The following CNPPD1 variants were observed in gnomAD, a reference collection of about 807,000 sequenced individuals.
CNPPD1 encodes protein CNPPD1.
Under a neutral mutation model 43.7 loss-of-function variants are expected in CNPPD1, and 40 were observed. The observed-to-expected ratio is 0.92, with a 90% CI of 0.71 to 1.19. The LOEUF is 1.19. Ranked by LOEUF, CNPPD1 falls within the 50% of genes most tolerant of loss-of-function variation. CNPPD1 has a pLI of 0.00. For missense variants in CNPPD1, 511 were observed against 518.5 expected, an observed-to-expected ratio of 0.99 and a Z score of 0.14; for synonymous variants, 208 against 214.3, an observed-to-expected ratio of 0.97 and a Z score of 0.26.
At chr2:219,177,644 C>G (rs569727801), upstream of CNPPD1, 4 of 152,162 alleles carry the variant, frequency 2.6e-5, 1 homozygote, top group South Asian at 8.3e-4. Context: ...AACGTGTCAA[C>G]ACGTCCACCC....
chr2:219,176,797 T>TCTTC lies in CNPPD1; in HGVS notation c.28_31dup (p.Glu11GlyfsTer41), dbSNP rs777044272. On this transcript the variant is annotated frameshift_variant, in exon 1 of 8. Transcript: ENST00000360507. LOFTEE classifies it high-confidence loss of function. Reference sequence around the variant, plus strand: ...GAAGCCGGCGAGGGAGAAGGTGCCTTCTTCGTCCAGCAGGAGCCCGGTCAG... The same window carrying TCTTC: ...GAAGCCGGCGAGGGAGAAGGTGCCTTCTTCCTTCGTCCAGCAGGAGCCCGGTCAG... 5.0e-6 allele frequency: 8 copies of TCTTC among 1,584,914 alleles called. No individual in the cohort carries two copies. The highest frequency in any genetic ancestry group is 6.0e-6 in the Non-Finnish European group (7 of 1,166,380).
chr2:219,172,411 G>T lies in CNPPD1; in HGVS notation c.*175C>A, dbSNP rs1047761066. On this transcript the variant is annotated 3_prime_UTR_variant, in exon 8 of 8. Transcript: ENST00000360507. ...TCCTGGCCAAGCAGCCAGCCACTGC[G>T]ATCTAGGAGTGAATTACCTTCAGTC... 1.4e-6 allele frequency: 1 copy of T among 708,360 alleles called. No individual in the cohort carries two copies. The highest frequency in any genetic ancestry group is 2.4e-6 in the Non-Finnish European group (1 of 414,008). 43.9% of individuals were successfully genotyped at this position (708,360 alleles called of 1,614,324 possible).
intron 1 of CNPPD1, among the ~76,000 whole-genome samples, 153 bp downstream of exon 1, chr2:219,176,607 C>G (rs1458162537): frequency 1.3e-5 from 2 of 152,190 alleles, no homozygotes; most frequent in Non-Finnish European, 2.9e-5. Context: ...CTCCGCGGCT[C>G]TCCCTCCCGG....
In CNPPD1 at chr2:219,173,467, A is replaced by G; in HGVS notation, c.573T>C (p.Cys191=). 1 of 1,613,306 alleles carries G rather than the reference A, an allele frequency of 6.2e-7. No homozygotes were observed. The highest frequency in any genetic ancestry group is 1.1e-5 in the South Asian group (1 of 91,038). ...GCCACCGTCCCTGCTGCTCAGCCAC[A>G]CTGGGGGAAGTGGAGAAATGACAAG... ...IFEVLSWLES[C]VAEQQGRWRG... The change falls in exon 7 of 8, where the codon TGT becomes TGC. Residue 191 remains cysteine, a splice_region_variant and synonymous_variant. Coordinates refer to ENST00000360507, the MANE Select transcript of CNPPD1 (RefSeq NM_015680.6).
chr2:219,172,479 G>A lies in CNPPD1; in HGVS notation c.*107C>T. The A allele has an allele frequency of 8.3e-7, 1 of 1,203,250 alleles. No individual in the cohort carries two copies. The highest frequency in any genetic ancestry group is 1.2e-6 in the Non-Finnish European group (1 of 825,890). The allele number at this position is 1,203,250 out of a possible 1,614,324, so 74.5% of individuals were successfully genotyped here. On this transcript the variant is annotated 3_prime_UTR_variant, in exon 8 of 8. Transcript: ENST00000360507. ...CATAAGCTCCCACCCAGGAGGACAG[G>A]GGACCTGCCAAGGACCCAGCGAGGC...
At position 219,172,481 on chromosome 2, in the gene CNPPD1, G is replaced by C; in HGVS notation, c.*105C>G. ...TAAGCTCCCACCCAGGAGGACAGGGGACCTGCCAAGGACCCAGCGAGGCAG... is the reference window on the plus strand; with the variant it reads ...TAAGCTCCCACCCAGGAGGACAGGGCACCTGCCAAGGACCCAGCGAGGCAG... On this transcript the variant is annotated 3_prime_UTR_variant, in exon 8 of 8. Coordinates refer to ENST00000360507, the MANE Select transcript of CNPPD1 (RefSeq NM_015680.6). 1 of 1,216,850 alleles carries C rather than the reference G, an allele frequency of 8.2e-7. No individual in the cohort carries two copies. Among genetic ancestry groups the C allele is most frequent in the South Asian group, 1.3e-5 (1 of 78,124 alleles). The allele number at this position is 1,216,850 out of a possible 1,614,324, so 75.4% of individuals were successfully genotyped here.
intron 6 of CNPPD1, 109 bp from the exon 7 acceptor site, chr2:219,173,576 C>A: frequency 1.2e-6 from 1 of 812,562 alleles, no homozygotes; most frequent in Non-Finnish European, 2.0e-6. Context: ...GCCTGTTAAA[C>A]CCAGATTCCT....
At chr2:219,176,443 G>C (rs757649568) in intron 1 of CNPPD1, 112 bp from the exon 2 acceptor site, 1 of 817,708 alleles carries the variant, frequency 1.2e-6, no homozygotes, top group Non-Finnish European at 2.0e-6. Flanking sequence ...CTGCTAGGGG[G>C]CCCGTGCCTT....
rs1167129515 is a variant in CNPPD1 at position 219,172,760 on chromosome 2, G to T, written c.1059C>A (p.Leu353=). 8.1e-6 allele frequency: 13 copies of T among 1,610,614 alleles called. No individual in the cohort carries two copies. Among genetic ancestry groups the T allele is most frequent in the Non-Finnish European group, 1.0e-5 (12 of 1,178,198 alleles). The change falls in exon 8 of 8, where the codon CTC becomes CTA. Residue 353 remains leucine (L), a synonymous_variant. Coordinates refer to ENST00000360507, the MANE Select transcript of CNPPD1 (RefSeq NM_015680.6). ...QRDSPTCHAC[L]HPNRTVPTAL... is the part of the protein sequence containing the mutation. ...CAGTGGGGACTGTACGGTTGGGGTG[G>T]AGGCAGGCATGGCAGGTTGGGGAGT...
In CNPPD1 at chr2:219,172,354, C is replaced by T. The variant is rs1465794148; in HGVS notation, c.*232G>A. ...TCCATCTGGGACATGTCCCTGGTCA[C>T]CAAGCGGAAGCTCTCCCTGGCGGCA... On this transcript the variant is annotated 3_prime_UTR_variant, in exon 8 of 8. Transcript: ENST00000360507. The T allele has an allele frequency of 8.6e-6, 5 of 579,666 alleles. No homozygotes were observed. Among genetic ancestry groups the T allele is most frequent in the Non-Finnish European group, 1.5e-5 (5 of 326,700 alleles). The allele number at this position is 579,666 out of a possible 1,614,324, so 35.9% of individuals were successfully genotyped here. A position where few individuals can be genotyped will look rare whatever the true frequency, so the allele number is the denominator to read the frequency against.
At chr2:219,173,280 A>G in intron 7 of CNPPD1, 70 bp downstream of exon 7, 5 of 1,488,976 alleles carry the variant, frequency 3.4e-6, no homozygotes, top group Non-Finnish European at 4.6e-6. Flanking sequence ...CTTTTCAGCA[A>G]TCACTTCACA....
chr2:219,176,852 G>T lies in CNPPD1; in HGVS notation c.-24C>A, dbSNP rs1037356535. On this transcript the variant is annotated 5_prime_UTR_variant, in exon 1 of 8. Coordinates refer to ENST00000360507, the MANE Select transcript of CNPPD1 (RefSeq NM_015680.6). ...ATCGCGCCGCCAGTCGCCGCCCTGC[G>T]AAGGTGAACGGAAGGAAACGAGTTG... The T allele has an allele frequency of 6.4e-6, 10 of 1,554,806 alleles. No individual in the cohort carries two copies. Among genetic ancestry groups the T allele is most frequent in the Non-Finnish European group, 8.7e-6 (10 of 1,148,566 alleles).
At position 219,174,892 on chromosome 2, in the gene CNPPD1, C is replaced by T; in HGVS notation, c.396G>A (p.Lys132=). 1.2e-6 allele frequency: 2 copies of T among 1,614,190 alleles called. No individual in the cohort carries two copies. Among genetic ancestry groups the T allele is most frequent in the Non-Finnish European group, 8.5e-7 (1 of 1,180,044 alleles). Residue 132 remains lysine, a synonymous_variant, in exon 5 of 8, where the codon AAG becomes AAA. Coordinates refer to ENST00000360507, the MANE Select transcript of CNPPD1 (RefSeq NM_015680.6). ...CCTCCTCCCCTTCATCATAGAGGTA[C>T]TTACTGGCCACCATCTGCAGAGGAA... ...LFLISMMVAS[K]YLYDEGEEEE...
chr2:219,175,103 GCCTC>G lies in CNPPD1; in HGVS notation c.262_265del (p.Glu88HisfsTer8). On this transcript the variant is annotated frameshift_variant and splice_region_variant, in exon 4 of 8. Coordinates refer to ENST00000360507, the MANE Select transcript of CNPPD1 (RefSeq NM_015680.6). LOFTEE classifies it high-confidence loss of function. The stretch of plus-strand genomic sequence containing the variant: ...CATCATAGCACATGGGGAGATGCAT[GCCTC>G]CCTGGGTGGTAGAAAGGATCACTAA... The G allele has an allele frequency of 6.3e-7, 1 of 1,597,480 alleles. No individual in the cohort carries two copies. The highest frequency in any genetic ancestry group is 8.5e-7 in the Non-Finnish European group (1 of 1,172,610).
Position 219,173,940 on chromosome 2 carries a change from C to G in CNPPD1, c.572+206G>C, listed in dbSNP as rs181340408. Among the ~76,000 whole-genome samples, 7 of 152,254 alleles carry G rather than the reference C, an allele frequency of 4.6e-5. No homozygotes were observed. In the East Asian group the frequency reaches 1.2e-3, roughly 25 times the overall value. On this transcript the variant is annotated intron_variant, in intron 6 of 7. Coordinates refer to ENST00000360507, the MANE Select transcript of CNPPD1 (RefSeq NM_015680.6). ...TATAGACATAACTACCATACCCACC[C>G]AATACATGTATTTTAAATAAGCTGC... is the stretch of plus-strand genomic sequence containing the variant.
chr2:219,174,102 C>G (rs1404584955), intron 6 of CNPPD1, 44 bp downstream of exon 6: 3 of 1,585,546 alleles, frequency 1.9e-6, no homozygotes, highest in Non-Finnish European at 1.7e-6. Context: ...GAGGACTCAG[C>G]CCCCAAATCC....
chr2:219,174,256 T>C (rs1185544894), intron 5 of CNPPD1, 49 bp from the exon 6 acceptor site: 1 of 1,576,016 alleles, frequency 6.3e-7, no homozygotes, highest in Admixed American at 1.7e-5. Context: ...TGAGCCACAG[T>C]CATTTAATAA....
chr2:219,176,448 T>G, intron 1 of CNPPD1, 117 bp from the exon 2 acceptor site: 1 of 776,622 alleles, frequency 1.3e-6, no homozygotes, highest in South Asian at 1.6e-5. Context: ...AGGGGGCCCG[T>G]GCCTTACCCA....
rs1950081720 is a variant in CNPPD1 at position 219,172,220 on chromosome 2, T to C, written c.*366A>G. The stretch of plus-strand genomic sequence containing the variant: ...CACACAGGCCCATGCCAACATTTCC[T>C]TTCTCCTCTCACCCCACTTCCCTTA... On this transcript the variant is annotated 3_prime_UTR_variant, in exon 8 of 8. Coordinates refer to ENST00000360507, the MANE Select transcript of CNPPD1 (RefSeq NM_015680.6). 1 of 300,160 alleles carries C rather than the reference T, an allele frequency of 3.3e-6. No homozygotes were observed. The highest frequency in any genetic ancestry group is 3.4e-5 in the South Asian group (1 of 29,474). 18.6% of individuals were successfully genotyped at this position (300,160 alleles called of 1,614,324 possible).
Sources: gnomAD v4.1 joint callset for allele counts (sites outside exome capture counted in the v4.1 genomes callset) on GRCh38, gnomAD v4.1.1 for gene constraint, MANE v1.5 for transcripts, NCBI Gene and HGNC (gene_info 2026-07-23, HGNC 2026-07-21) for gene names.